The following LMNTD2 variants were observed in gnomAD, a reference collection of about 807,000 sequenced individuals.
LMNTD2 encodes lamin tail domain-containing protein 2.
In LMNTD2, 83 loss-of-function variants were observed where a neutral mutation model predicts 70.1. The observed-to-expected ratio is 1.18, with a 90% CI of 0.99 to 1.42. The LOEUF (loss-of-function observed/expected upper bound fraction) is 1.42. LMNTD2 is among the 40% of genes most tolerant of loss of function. The pLI is 0.00. For synonymous variants in LMNTD2, 534 were observed against 406.1 expected, an observed-to-expected ratio of 1.31 and a Z score of -3.79; for missense variants, 1,153 against 905.9, an observed-to-expected ratio of 1.27 and a Z score of -3.50.
In LMNTD2 at chr11:557,434, G is replaced by C; in HGVS notation, c.678C>G (p.Asn226Lys). ...AGCTGGGCTCCATGTTGGTGAAGAG[G>C]TTGGGATACCGGCGGGCAACGCTGT... ...DWNSVARRYP[N>K]LFTNMEPSSK... The change falls in exon 7 of 14, where the codon AAC becomes AAG. Residue 226 changes from asparagine to lysine, a missense_variant. Transcript: ENST00000329451. 1 of 1,610,174 alleles carries C rather than the reference G, an allele frequency of 6.2e-7. No homozygotes were observed. Among genetic ancestry groups the C allele is most frequent in the Non-Finnish European group, 8.5e-7 (1 of 1,178,200 alleles).
intron 1 of LMNTD2, chr11:559,668 TG>T: frequency 8.5e-7 from 1 of 1,170,990 alleles, no homozygotes; most frequent in Non-Finnish European, 1.1e-6. Flanking sequence ...CATGGGTGTG[TG>T]GGGGAAGCAG....
intron 1 of LMNTD2, chr11:560,246 C>G: frequency 6.2e-6 from 6 of 963,664 alleles, no homozygotes; most frequent in Non-Finnish European, 7.5e-6. Context: ...CAGCTGACCG[C>G]GAGGCTGCGG....
In LMNTD2 at chr11:555,831, C is replaced by A; in HGVS notation, c.1477G>T (p.Ala493Ser). ...LSIDRFPLPE[A>S]GPGADTRKPP... ...TTGCGGGTGTCGGCGCCGGGCCCGG[C>A]CTCAGGGAGCGGGAAGCGGTCGATG... The change falls in exon 12 of 14, where the codon GCC (alanine) becomes TCC (serine). Residue 493 changes from alanine to serine, a missense_variant. Physicochemically the swap from Ala to Ser is moderately conservative, Grantham distance 99 (BLOSUM62 1). Transcript: ENST00000329451. The A allele has an allele frequency of 6.5e-7, 1 of 1,548,032 alleles. No homozygotes were observed. Among genetic ancestry groups the A allele is most frequent in the Admixed American group, 2.1e-5 (1 of 48,686 alleles).
Position 555,792 on chromosome 11 carries a change from G to A in LMNTD2, c.1516C>T (p.Pro506Ser). The change falls in exon 12 of 14, where the codon CCT becomes TCT. Residue 506 changes from proline (P) to serine (S), a missense_variant. Pro to Ser is a moderately conservative substitution (Grantham distance 74). Transcript: ENST00000329451. ...GADTRKPPRP[P>S]RPLRKGRVRE... is the part of the protein sequence containing the mutation. ...ACCCGGCCTTTGCGCAGGGGTCGAGGTGGGCGCGGCGGCTTGCGGGTGTCG... is the reference window on the plus strand; with the variant it reads ...ACCCGGCCTTTGCGCAGGGGTCGAGATGGGCGCGGCGGCTTGCGGGTGTCG... The A allele has an allele frequency of 1.3e-6, 2 of 1,517,462 alleles. No individual in the cohort carries two copies. Among genetic ancestry groups the A allele is most frequent in the Non-Finnish European group, 1.7e-6 (2 of 1,144,968 alleles). 94.0% of individuals were successfully genotyped at this position (1,517,462 alleles called of 1,614,324 possible).
Position 556,033 on chromosome 11 carries a change from C to A in LMNTD2, c.1340G>T (p.Arg447Leu), listed in dbSNP as rs755270456. 1.3e-6 allele frequency: 2 copies of A among 1,556,160 alleles called. No individual in the cohort carries two copies. Among genetic ancestry groups the A allele is most frequent in the Admixed American group, 1.8e-5 (1 of 55,320 alleles). The change falls in exon 11 of 14, where the codon CGC (arginine) becomes CTC (leucine). Residue 447 changes from arginine (R) to leucine (L), a missense_variant. By Grantham distance (102) the Arg-to-Leu change is moderately radical. Transcript: ENST00000329451. ...SREPVPLLSI[R>L]GCATLLLSPK... is the part of the protein sequence containing the mutation. ...GCTCAGGAGCAGCGTCGCGCAGCCG[C>A]GGATGGAGAGGAGGGGAACGGGCTC...
In LMNTD2 at chr11:556,405, T is replaced by A. The variant is rs146478052; in HGVS notation, c.1074-30A>T. ...GAAGAGAGGAGACGCTGTGAGGAGA[T>A]GCGGCCGGTCCACCCGCACAGCTGC... On this transcript the variant is annotated intron_variant, in intron 9 of 13. Transcript: ENST00000329451. The A allele has an allele frequency of 7.8e-3, 12,036 of 1,540,064 alleles. 63 individuals carry two copies. The highest frequency in any genetic ancestry group is 0.012 in the Admixed American group (618 of 50,706).
In LMNTD2 at chr11:559,586, C is replaced by T; in HGVS notation, c.35-607G>A. The stretch of plus-strand genomic sequence containing the variant: ...ACACCCTGAGGGAGGCCCCAGCATC[C>T]CCTACCTAGCCTGGCAGCAGCAGCG... On this transcript the variant is annotated intron_variant, in intron 1 of 13. Coordinates refer to ENST00000329451, the MANE Select transcript of LMNTD2 (RefSeq NM_173573.3). 3 of 1,186,448 alleles carry T rather than the reference C, an allele frequency of 2.5e-6. No individual in the cohort carries two copies. In the South Asian group the frequency reaches 4.6e-5, roughly 18 times the overall value. 73.5% of individuals were successfully genotyped at this position (1,186,448 alleles called of 1,614,324 possible).
chr11:556,323 T>G lies in LMNTD2; in HGVS notation c.1126A>C (p.Ile376Leu), dbSNP rs891812110. Residue 376 changes from isoleucine (I) to leucine (L), a missense_variant, in exon 10 of 14, where the codon ATC becomes CTC. Ile to Leu is a conservative substitution (Grantham distance 5). Transcript: ENST00000329451. ...AVSCREKFVRIFNPSQESTAD... is the reference protein window; with the variant it reads ...AVSCREKFVRLFNPSQESTAD... ...GTGCTCTCCTGCGACGGGTTGAAGA[T>G]GCGGACGAACTTCTCCCGGCAGCTC... 9 of 1,535,784 alleles carry G rather than the reference T, an allele frequency of 5.9e-6. No homozygotes were observed. Among genetic ancestry groups the G allele is most frequent in the Non-Finnish European group, 7.0e-6 (8 of 1,146,650 alleles).
At chr11:557,697 T>G in intron 5 of LMNTD2, 57 bp from the exon 6 acceptor site, 2 of 1,611,606 alleles carry the variant, frequency 1.2e-6, no homozygotes, top group South Asian at 2.2e-5. Context: ...CTACAGCACC[T>G]CTCCTCTTTG....
chr11:556,020 C>T lies in LMNTD2; in HGVS notation c.1353G>A (p.Thr451=), dbSNP rs1180895939. The part of the protein sequence containing the change: ...VPLLSIRGCA[T]LLLSPKGEVL... ...CCTCGCCCTTGGGGCTCAGGAGCAG[C>T]GTCGCGCAGCCGCGGATGGAGAGGA... Residue 451 remains threonine (T), a synonymous_variant, in exon 11 of 14, where the codon ACG becomes ACA. Coordinates refer to ENST00000329451, the MANE Select transcript of LMNTD2 (RefSeq NM_173573.3). 6 of 1,557,110 alleles carry T rather than the reference C, an allele frequency of 3.9e-6. No homozygotes were observed. The East Asian group carries it at 7.7e-5, about 20-fold the overall frequency.
chr11:557,121 G>C, intron 7 of LMNTD2, 24 bp from the exon 8 acceptor site: 3 of 1,561,840 alleles, frequency 1.9e-6, no homozygotes, highest in Non-Finnish European at 2.6e-6. Context: ...TCTGCTTGAT[G>C]GCCACTCCAG....
rs1419506675 is a variant in LMNTD2, at chr11:558,655, G to A, written c.270C>T (p.Leu90=). 2 of 1,606,796 alleles carry A rather than the reference G, an allele frequency of 1.2e-6. No homozygotes were observed. Among genetic ancestry groups the A allele is most frequent in the African/African-American group, 1.3e-5 (1 of 74,856 alleles). ...CCGCCACCTCTTCCAGGATGTGGCA[G>A]AGCCGGGCGTCCTCGCCATTCTGGA... is the stretch of plus-strand genomic sequence containing the variant. The part of the protein sequence containing the change: ...WAIQNGEDAR[L]CHILEEVAGL... The change falls in exon 3 of 14, where the codon CTC becomes CTT. Residue 90 remains leucine, a synonymous_variant. Transcript: ENST00000329451.
chr11:559,304 C>T (rs1306418616), intron 1 of LMNTD2: 3 of 1,424,008 alleles, frequency 2.1e-6, no homozygotes, highest in African/African-American at 1.4e-5. Context: ...CCCTCTTTCT[C>T]TCTCTTGTCC....
intron 3 of LMNTD2, 25 bp from the exon 4 acceptor site, chr11:558,273 CCCCCA>C (rs1160744842): frequency 6.2e-7 from 1 of 1,607,702 alleles, no homozygotes; most frequent in African/African-American, 1.3e-5. Flanking sequence ...ACCTCAGCAG[CCCCCA>C]CCCTGCTCAG....
At position 558,025 on chromosome 11, in the gene LMNTD2, CA is replaced by C. The variant is rs1853010956; in HGVS notation, c.413del (p.Leu138ArgfsTer49). 1 of 1,579,744 alleles carries C rather than the reference CA, an allele frequency of 6.3e-7. No homozygotes were observed. The highest frequency in any genetic ancestry group is 8.6e-7 in the Non-Finnish European group (1 of 1,160,966). On this transcript the variant is annotated frameshift_variant, in exon 5 of 14. Transcript: ENST00000329451. LOFTEE classifies it high-confidence loss of function. ...KERAQWEKEHLEERLLQTTRT... is the reference protein window; with the variant it reads ...KERAQWEKEHXEERLLQTTRT... The stretch of plus-strand genomic sequence containing the variant: ...GGGTGGTCTGCAGCAGCCGCTCCTC[CA>C]GGTGCTCCTTCTCCTGCTCCGAGAG...
intron 1 of LMNTD2, chr11:559,638 G>C: frequency 2.5e-6 from 3 of 1,181,046 alleles, no homozygotes; most frequent in Non-Finnish European, 2.1e-6. Context: ...ACTGCTGCCT[G>C]TGAGCCAGCC....
intron 7 of LMNTD2, 88 bp from the exon 8 acceptor site, chr11:557,185 G>A (rs988601323): frequency 4.4e-5 from 65 of 1,471,062 alleles, no homozygotes; most frequent in Non-Finnish European, 4.5e-6. Flanking sequence ...GCAGCAGGGA[G>A]CCCCTCTTGC....
Position 555,008 on chromosome 11 carries a change from A to G in LMNTD2, c.1877T>C (p.Val626Ala). Residue 626 changes from valine (V) to alanine (A), a missense_variant, in exon 14 of 14, where the codon GTC becomes GCC. By Grantham distance (64) the Val-to-Ala change is moderately conservative. Coordinates refer to ENST00000329451, the MANE Select transcript of LMNTD2 (RefSeq NM_173573.3). ...FGFRFLSCLP[V>A]TADTCRGA Reference sequence around the variant, plus strand: ...GGCGCCGCGGCAGGTGTCCGCGGTGACCGGCAGGCAGCTGAGGAAGCGGAA... The same window carrying G: ...GGCGCCGCGGCAGGTGTCCGCGGTGGCCGGCAGGCAGCTGAGGAAGCGGAA... 6.3e-7 allele frequency: 1 copy of G among 1,590,542 alleles called. No homozygotes were observed. Among genetic ancestry groups the G allele is most frequent in the Non-Finnish European group, 8.5e-7 (1 of 1,172,080 alleles).
At chr11:557,301 C>T (rs1852953620) in intron 7 of LMNTD2, 98 bp downstream of exon 7, 5 of 1,440,892 alleles carry the variant, frequency 3.5e-6, no homozygotes, top group South Asian at 2.5e-5. Flanking sequence ...AGAGACTTAT[C>T]CAGGGACACT....
Sources: gnomAD v4.1 joint callset for allele counts on GRCh38, gnomAD v4.1.1 for gene constraint, MANE v1.5 for transcripts, NCBI Gene and HGNC (gene_info 2026-07-23, HGNC 2026-07-21) for gene names.